The following GSG1L variants were observed in gnomAD, a reference collection of about 807,000 sequenced individuals.
The protein encoded by GSG1L is germ cell-specific gene 1-like protein.
A neutral mutation model predicts 42.1 loss-of-function variants in GSG1L; 24 were observed. The observed-to-expected ratio is 0.57, with a 90% confidence interval of 0.41 to 0.80. The LOEUF (loss-of-function observed/expected upper bound fraction) is 0.80. Ranked by LOEUF, GSG1L falls within the 30% of genes least tolerant of loss-of-function variation. GSG1L has a pLI of 0.00. For missense variants in GSG1L, 445 were observed against 472.2 expected, an observed-to-expected ratio of 0.94 and a Z score of 0.53; for synonymous variants, 215 against 203.5, an observed-to-expected ratio of 1.06 and a Z score of -0.48.
intron 1 of GSG1L, among the ~76,000 whole-genome samples, chr16:27,969,032 C>A (rs887145989): frequency 1.3e-5 from 2 of 152,090 alleles, no homozygotes; most frequent in Non-Finnish European, 2.9e-5. Context: ...CCACTTGAAC[C>A]CAGGAGGCGG....
intron 3 of GSG1L, among the ~76,000 whole-genome samples, chr16:27,856,607 CGGCTCCT>C (rs1423394743): frequency 6.6e-6 from 1 of 152,234 alleles, no homozygotes; most frequent in Non-Finnish European, 1.5e-5. Context: ...CCATCGCTCC[CGGCTCCT>C]CACGAACATT....
chr16:27,982,177 G>T (rs1191093010), intron 1 of GSG1L, among the ~76,000 whole-genome samples: 2 of 152,184 alleles, frequency 1.3e-5, no homozygotes, highest in Admixed American at 6.5e-5. Context: ...AGACAAGTCT[G>T]GGCAACACAG....
chr16:27,902,296 A>T (rs1163838337), intron 2 of GSG1L, among the ~76,000 whole-genome samples: 1 of 152,194 alleles, frequency 6.6e-6, no homozygotes, highest in East Asian at 1.9e-4. Context: ...AACTGCTTCC[A>T]GGAGAAGGGA....
At chr16:27,976,458 T>C (rs557883881) in intron 1 of GSG1L, among the ~76,000 whole-genome samples, 1 of 152,294 alleles carries the variant, frequency 6.6e-6, no homozygotes, top group Admixed American at 6.5e-5. Flanking sequence ...ACTTCATAAA[T>C]CGTCTTTCTC....
At chr16:28,027,682 T>C (rs993655187) in intron 1 of GSG1L, among the ~76,000 whole-genome samples, 8 of 152,142 alleles carry the variant, frequency 5.3e-5, no homozygotes, top group African/African-American at 1.9e-4. Context: ...CAGGAGTAGA[T>C]AATTTTCTTA....
intron 5 of GSG1L, among the ~76,000 whole-genome samples, chr16:27,827,742 A>C (rs2083226892): frequency 6.6e-6 from 1 of 152,144 alleles, no homozygotes; most frequent in Non-Finnish European, 1.5e-5. Context: ...TCATCCAGCC[A>C]GCCTTCTGCC....
intron 2 of GSG1L, among the ~76,000 whole-genome samples, chr16:27,931,623 C>T (rs140404805): frequency 3.3e-5 from 5 of 152,196 alleles, no homozygotes; most frequent in South Asian, 2.1e-4. Flanking sequence ...GCAAATTCAA[C>T]GTAATCTACG....
At chr16:28,045,333 T>G (rs1486959705) in intron 1 of GSG1L, among the ~76,000 whole-genome samples, 1 of 152,144 alleles carries the variant, frequency 6.6e-6, no homozygotes, top group African/African-American at 2.4e-5. Context: ...GGATATGGGA[T>G]GTGTCGATAC....
Position 28,044,004 on chromosome 16 carries a change from A to G in GSG1L, c.349+19072T>C, listed in dbSNP as rs187811278. ...GCCATTGCACTCCAGCCTGGGCAAG[A>G]GAGTAAGATCCTGTCTGAAAAAAAC... On this transcript the variant is annotated intron_variant, in intron 1 of 6. Transcript: ENST00000447459. Among the ~76,000 whole-genome samples the G allele has an allele frequency of 1.2e-4, 18 of 152,328 alleles. No homozygotes were observed. In the East Asian group the frequency reaches 3.5e-3, roughly 29 times the overall value.
chr16:27,866,935 A>G (rs1446124127), intron 3 of GSG1L, among the ~76,000 whole-genome samples: 1 of 152,110 alleles, frequency 6.6e-6, no homozygotes, highest in Non-Finnish European at 1.5e-5. Flanking sequence ...TGATGAATGC[A>G]GCTCACGCCA....
At chr16:27,853,488 G>C (rs2083539417) in intron 3 of GSG1L, among the ~76,000 whole-genome samples, 1 of 152,162 alleles carries the variant, frequency 6.6e-6, no homozygotes, top group South Asian at 2.1e-4. Flanking sequence ...ACACGGGGAG[G>C]GGGGTGAGCC....
At chr16:27,824,964 G>A (rs2083192865) in intron 5 of GSG1L, among the ~76,000 whole-genome samples, 1 of 152,252 alleles carries the variant, frequency 6.6e-6, no homozygotes, top group South Asian at 2.1e-4. Flanking sequence ...GTGCCATGCT[G>A]GGCATTGCCA....
intron 2 of GSG1L, among the ~76,000 whole-genome samples, chr16:27,915,098 G>A (rs904389639): frequency 6.6e-6 from 1 of 151,784 alleles, no homozygotes; most frequent in Non-Finnish European, 1.5e-5. Context: ...CCGCTACCAA[G>A]CAGGTATTGA....
intron 4 of GSG1L, among the ~76,000 whole-genome samples, chr16:27,841,209 T>C (rs1260864281): frequency 2.0e-5 from 3 of 151,948 alleles, no homozygotes; most frequent in African/African-American, 7.3e-5. Context: ...TTGGCCAAGG[T>C]CCCCGGCTGG....
intron 1 of GSG1L, among the ~76,000 whole-genome samples, chr16:28,015,029 G>A (rs2085764683): frequency 6.6e-6 from 1 of 152,210 alleles, no homozygotes; most frequent in African/African-American, 2.4e-5. Context: ...CTGGGACAGA[G>A]TCCACTGTTG....
rs766899981 is a variant in GSG1L at position 27,963,118 on chromosome 16, G to A, written c.397+38C>T. On this transcript the variant is annotated intron_variant, in intron 2 of 6. Coordinates refer to ENST00000447459, the MANE Select transcript of GSG1L (RefSeq NM_001109763.2). ...AAGGTAGGAAAGATGTCCCCAGAGAGAGCAGAGCTGCCACAGCTCAGCTGG... is the reference window on the plus strand; with the variant it reads ...AAGGTAGGAAAGATGTCCCCAGAGAAAGCAGAGCTGCCACAGCTCAGCTGG... 4.9e-5 allele frequency: 77 copies of A among 1,575,740 alleles called. 1 individual carries two copies. In the South Asian group the frequency reaches 8.2e-4, roughly 17 times the overall value.
At chr16:27,933,647 A>AC (rs1439154708) in intron 2 of GSG1L, among the ~76,000 whole-genome samples, 2 of 81,688 alleles carry the variant, frequency 2.4e-5, no homozygotes, top group African/African-American at 9.4e-5. Context: ...AGACTTTGTC[A>AC]CAAAAAAAAA....
intron 6 of GSG1L, among the ~76,000 whole-genome samples, chr16:27,792,992 AT>A (rs1327885582): frequency 6.6e-6 from 1 of 152,258 alleles, no homozygotes; most frequent in Non-Finnish European, 1.5e-5. Context: ...AAATTTCAGC[AT>A]TTAAAAAAAT....
At position 27,791,349 on chromosome 16, in the gene GSG1L, C is replaced by T. The variant is rs760995346; in HGVS notation, c.*21G>A. 9.5e-6 allele frequency: 13 copies of T among 1,365,652 alleles called. No homozygotes were observed. The South Asian group carries it at 1.5e-4, about 16-fold the overall frequency. The allele number at this position is 1,365,652 out of a possible 1,614,324, so 84.6% of individuals were successfully genotyped here. On this transcript the variant is annotated 3_prime_UTR_variant, in exon 7 of 7. Coordinates refer to ENST00000447459, the MANE Select transcript of GSG1L (RefSeq NM_001109763.2). ...GGTGCCAGCGATGGCCTGAGGTCCG[C>T]GGGCCAGGTTGAGGTCTTGGTCACA...
Sources: gnomAD v4.1 joint callset for allele counts (sites outside exome capture counted in the v4.1 genomes callset) on GRCh38, gnomAD v4.1.1 for gene constraint, MANE v1.5 for transcripts, NCBI Gene and HGNC (gene_info 2026-07-23, HGNC 2026-07-21) for gene names.